The following CACNA1H variants were observed in gnomAD, a reference collection of about 807,000 sequenced individuals.
The protein encoded by CACNA1H is calcium voltage-gated channel subunit alpha1 H.
A neutral mutation model predicts 192.5 loss-of-function variants in CACNA1H; 149 were observed. The ratio of observed to expected loss-of-function variants is 0.77; its 90% CI spans 0.68 to 0.89. The LOEUF (loss-of-function observed/expected upper bound fraction) is 0.89. CACNA1H is among the 40% of genes least tolerant of loss of function. CACNA1H has a pLI of 0.00. For synonymous variants in CACNA1H, 2,202 were observed against 1,475.2 expected (o/e 1.49, Z -11.29); for missense variants, 4,257 against 3,423.5 (o/e 1.24, Z -6.08).
chr16:1,203,885 T>C, intron 9 of CACNA1H, 125 bp from the exon 10 acceptor site: 1 of 665,224 alleles, frequency 1.5e-6, no homozygotes, highest in African/African-American at 1.8e-5. Flanking sequence ...TTCTGGAGGT[T>C]GGACTCTGGA....
At position 1,199,766 on chromosome 16, in the gene CACNA1H, G is replaced by GCCCTCAC. The variant is rs538768498; in HGVS notation, c.804-485_804-479dup. Among the ~76,000 whole-genome samples the GCCCTCAC allele has an allele frequency of 1.0e-4, 15 of 149,750 alleles. No homozygotes were observed. In the East Asian group the frequency reaches 1.8e-3, roughly 18 times the overall value. ...CACACCCCGGGGTTCCCTGCCCTCA[G>GCCCTCAC]CCCTCACCCCTGGATCCTCTCAGCC... On this transcript the variant is annotated intron_variant, in intron 6 of 34. Transcript: ENST00000348261.
At chr16:1,189,614 G>A (rs543504256) in intron 2 of CACNA1H, among the ~76,000 whole-genome samples, 1 of 151,830 alleles carries the variant, frequency 6.6e-6, no homozygotes, top group Non-Finnish European at 1.5e-5. Flanking sequence ...TAGCAATGGG[G>A]TCTCACTGTG....
chr16:1,182,039 C>A (rs988885114), intron 2 of CACNA1H, among the ~76,000 whole-genome samples: 3 of 152,240 alleles, frequency 2.0e-5, no homozygotes, highest in African/African-American at 7.2e-5. Flanking sequence ...CCCTCCCTGT[C>A]TCCCCACACA....
chr16:1,207,655 C>G, intron 14 of CACNA1H, 115 bp from the exon 15 acceptor site: 1 of 1,013,266 alleles, frequency 9.9e-7, no homozygotes, highest in East Asian at 2.6e-5. Context: ...TGACATCATC[C>G]TCTGGGCCCT....
rs747491713 is a variant in CACNA1H, at chr16:1,210,424, C to T, written c.3900C>T (p.Val1300=). The part of the protein sequence containing the change: ...VITHKMFDHV[V]LVFIFLNCVT... ...CACACAAGATGTTTGATCACGTGGTCCTCGTCTTCATCTTCCTCAACTGCG... is the reference window on the plus strand; with the variant it reads ...CACACAAGATGTTTGATCACGTGGTTCTCGTCTTCATCTTCCTCAACTGCG... Residue 1300 remains valine, a synonymous_variant, in exon 19 of 35, where the codon GTC becomes GTT. Transcript: ENST00000348261. 96 of 1,483,530 alleles carry T rather than the reference C, an allele frequency of 6.5e-5. No individual in the cohort carries two copies. The highest frequency in any genetic ancestry group is 7.9e-5 in the Non-Finnish European group (87 of 1,100,774). 91.9% of individuals were successfully genotyped at this position (1,483,530 alleles called of 1,614,324 possible).
At chr16:1,202,980 G>T (rs569294075) in intron 9 of CACNA1H, among the ~76,000 whole-genome samples, 1 of 152,178 alleles carries the variant, frequency 6.6e-6, no homozygotes, top group African/African-American at 2.4e-5. Context: ...CCAGGTGAAT[G>T]GGAGACTCCA....
chr16:1,166,511 G>A (rs187594013), intron 2 of CACNA1H, among the ~76,000 whole-genome samples: 15 of 152,300 alleles, frequency 9.8e-5, no homozygotes, highest in African/African-American at 3.1e-4. Flanking sequence ...CCAATGAAGG[G>A]TCCAATTCGG....
chr16:1,162,264 C>T (rs116081093), intron 2 of CACNA1H, among the ~76,000 whole-genome samples: 5,764 of 152,224 alleles, frequency 0.038, 368 homozygotes, highest in African/African-American at 0.13. Flanking sequence ...TCTGTTACAG[C>T]TGCCTCCTGC....
rs1555521330 is a variant in CACNA1H at position 1,220,935 on chromosome 16, A to T, written c.7003A>T (p.Lys2335Ter). The change falls in exon 35 of 35, where the codon AAA (lysine) becomes TAA (stop). Residue 2335 changes from lysine (K) to a stop codon, truncating the protein, a stop_gained. Coordinates refer to ENST00000348261, the MANE Select transcript of CACNA1H (RefSeq NM_021098.3). LOFTEE classifies it low-confidence loss of function (END_TRUNC). ...YLTVPQCPLE[K>*]PGSPSATPAP... is the part of the protein sequence containing the mutation. ...CACAGTCCCCCAGTGTCCTCTGGAG[A>T]AACCAGGGTCCCCCTCAGCCACCCC... is the stretch of plus-strand genomic sequence containing the variant. 6.2e-7 allele frequency: 1 copy of T among 1,608,434 alleles called. No individual in the cohort carries two copies. The highest frequency in any genetic ancestry group is 8.5e-7 in the Non-Finnish European group (1 of 1,177,444).
In CACNA1H at chr16:1,204,452, T is replaced by C. The variant is rs967996312; in HGVS notation, c.2445T>C (p.His815=). 1.3e-6 allele frequency: 2 copies of C among 1,532,500 alleles called. No homozygotes were observed. Among genetic ancestry groups the C allele is most frequent in the East Asian group, 4.5e-5 (2 of 44,144 alleles). 94.9% of individuals were successfully genotyped at this position (1,532,500 alleles called of 1,614,324 possible). A position where few individuals can be genotyped will look rare whatever the true frequency, so the allele number is the denominator to read the frequency against. Reference sequence around the variant, plus strand: ...CGCTGAGCATGGGCGTGGAGTACCATGAGCAGGTGCGGGCTGGCCTGGCCA... The same window carrying C: ...CGCTGAGCATGGGCGTGGAGTACCACGAGCAGGTGCGGGCTGGCCTGGCCA... ...VNTLSMGVEY[H]EQPEELTNAL... Residue 815 remains histidine (H), a synonymous_variant, in exon 10 of 35, where the codon CAT becomes CAC. Coordinates refer to ENST00000348261, the MANE Select transcript of CACNA1H (RefSeq NM_021098.3).
In CACNA1H at chr16:1,210,804, G is replaced by A; in HGVS notation, c.4056G>A (p.Leu1352=). ...EMMVKVVALG[L]LSGEHAYLQS... is the part of the protein sequence containing the mutation. ...CTCCGCAGGTGGTGGCCCTGGGGCT[G>A]CTGTCCGGCGAGCACGCCTACCTGC... The change falls in exon 21 of 35, where the codon CTG becomes CTA. Residue 1352 remains leucine, a synonymous_variant. Coordinates refer to ENST00000348261, the MANE Select transcript of CACNA1H (RefSeq NM_021098.3). The A allele has an allele frequency of 6.2e-7, 1 of 1,601,646 alleles. No homozygotes were observed.
intron 2 of CACNA1H, among the ~76,000 whole-genome samples, chr16:1,181,154 A>C (rs1388580836): frequency 6.6e-6 from 1 of 152,208 alleles, no homozygotes; most frequent in Non-Finnish European, 1.5e-5. Flanking sequence ...CGTCTTCCCC[A>C]AGGTCCCCTC....
At chr16:1,174,206 CT>C (rs1964643936) in intron 2 of CACNA1H, among the ~76,000 whole-genome samples, 1 of 152,170 alleles carries the variant, frequency 6.6e-6, no homozygotes, top group Non-Finnish European at 1.5e-5. Context: ...CAGTTTGCTC[CT>C]CCCTCTCATG....
intron 2 of CACNA1H, among the ~76,000 whole-genome samples, chr16:1,192,098 G>A (rs1332732707): frequency 6.6e-6 from 1 of 152,232 alleles, no homozygotes; most frequent in Non-Finnish European, 1.5e-5. Context: ...GGATGGGAGG[G>A]GCTCACTGGA....
rs1969758497 is a variant in CACNA1H at position 1,213,935 on chromosome 16, G to A, written c.4929+4G>A. 1 of 1,608,624 alleles carries A rather than the reference G, an allele frequency of 6.2e-7. No homozygotes were observed. Among genetic ancestry groups the A allele is most frequent in the Non-Finnish European group, 8.5e-7 (1 of 1,178,276 alleles). ...GGAGCACTATAACCAACCCAAGGTG[G>A]GTGCGAGGGGGCCGCGAGGGGCCCA... On this transcript the variant is annotated splice_donor_region_variant and intron_variant, in intron 27 of 34. Transcript: ENST00000348261.
chr16:1,205,412 AC>A, intron 11 of CACNA1H, 147 bp downstream of exon 11: 1 of 891,904 alleles, frequency 1.1e-6, no homozygotes, highest in African/African-American at 1.7e-5. Context: ...GTGCTTGGTG[AC>A]CCCAGTGGCC....
Position 1,210,126 on chromosome 16 carries a change from C to G in CACNA1H, c.3836C>G (p.Pro1279Arg). 6.4e-7 allele frequency: 1 copy of G among 1,557,122 alleles called. No homozygotes were observed. The highest frequency in any genetic ancestry group is 2.4e-5 in the East Asian group (1 of 41,262). The change falls in exon 18 of 35, where the codon CCA (proline) becomes CGA (arginine). Residue 1279 changes from proline (P) to arginine (R), a missense_variant. Pro to Arg is a moderately radical substitution (Grantham distance 103, BLOSUM62 -2). Transcript: ENST00000348261. Reference protein sequence around the residue: ...REAWALYLFSPQNRFRVSCQK... With the variant: ...REAWALYLFSRQNRFRVSCQK... ...GCCTGGGCCCTCTACCTCTTCTCCC[C>G]ACAGAACCGGTGAGGCGGCCGGGTC...
In CACNA1H at chr16:1,209,249, G is replaced by A. The variant is rs759668583; in HGVS notation, c.3581G>A (p.Arg1194Gln). ...AAPGPRATPL[R>Q]RAESLDPRPL... Reference sequence around the variant, plus strand: ...CCCGGGCCCCGTGCCACCCCACTGCGGCGGGCCGAGTCCCTGGACCCACGG... The same window carrying A: ...CCCGGGCCCCGTGCCACCCCACTGCAGCGGGCCGAGTCCCTGGACCCACGG... The change falls in exon 17 of 35, where the codon CGG becomes CAG. Residue 1194 changes from arginine (R) to glutamine (Q), a missense_variant. Coordinates refer to ENST00000348261, the MANE Select transcript of CACNA1H (RefSeq NM_021098.3). 6.6e-5 allele frequency: 102 copies of A among 1,544,228 alleles called. 1 individual carries two copies. The highest frequency in any genetic ancestry group is 2.9e-4 in the East Asian group (12 of 40,784).
rs764530568 is a variant in CACNA1H, at chr16:1,210,135, G to A, written c.3845G>A (p.Arg1282Gln). Residue 1282 changes from arginine (R) to glutamine (Q), a missense_variant and splice_region_variant, in exon 18 of 35, where the codon CGG becomes CAG. By Grantham distance (43) the Arg-to-Gln change is conservative. Coordinates refer to ENST00000348261, the MANE Select transcript of CACNA1H (RefSeq NM_021098.3). The part of the protein sequence containing the change: ...WALYLFSPQN[R>Q]FRVSCQKVIT... Reference sequence around the variant, plus strand: ...CTCTACCTCTTCTCCCCACAGAACCGGTGAGGCGGCCGGGTCAGGAGGCTG... The same window carrying A: ...CTCTACCTCTTCTCCCCACAGAACCAGTGAGGCGGCCGGGTCAGGAGGCTG... 1.7e-4 allele frequency: 266 copies of A among 1,553,876 alleles called. No homozygotes were observed. The highest frequency in any genetic ancestry group is 2.2e-4 in the Non-Finnish European group (258 of 1,149,012).
Sources: allele counts gnomAD v4.1 joint callset (sites outside exome capture counted in the v4.1 genomes callset), GRCh38; gene constraint gnomAD v4.1.1; transcripts MANE v1.5; gene names NCBI Gene and HGNC (gene_info 2026-07-23, HGNC 2026-07-21).